Variants in SYNRG observed in about 807,000 individuals in gnomAD.
The protein encoded by SYNRG is AP1 gamma subunit binding protein 1.
SYNRG carries 37 observed loss-of-function variants against 130.9 expected under a neutral mutation model. That is an observed-to-expected ratio of 0.28 (90% CI 0.22 to 0.37). The LOEUF is 0.37. Ranked by LOEUF, SYNRG falls within the 10% of genes least tolerant of loss-of-function variation. SYNRG has a pLI of 1.00. For missense variants in SYNRG, 1,338 were observed against 1,588.9 expected, an observed-to-expected ratio of 0.84 and a Z score of 2.68; for synonymous variants, 539 against 568.1, an observed-to-expected ratio of 0.95 and a Z score of 0.73.
Position 37,583,746 on chromosome 17 carries a change from G to A in SYNRG, c.589+902C>T, listed in dbSNP as rs370130964. Among the ~76,000 whole-genome samples the A allele has an allele frequency of 1.2e-4, 18 of 152,258 alleles. No homozygotes were observed. The South Asian group carries it at 1.5e-3, about 12-fold the overall frequency. On this transcript the variant is annotated intron_variant, in intron 6 of 21. Transcript: ENST00000612223. ...CTTGCTCTGATGCCTAAGCTGGAGC[G>A]GGCAGTGGCATGATCTCGGCTCACT...
chr17:37,589,529 T>C (rs1328486607), intron 3 of SYNRG, among the ~76,000 whole-genome samples: 1 of 151,648 alleles, frequency 6.6e-6, no homozygotes, highest in Non-Finnish European at 1.5e-5. Context: ...GGTGGGCGGA[T>C]CACCAGGTCA....
rs79772863 is a variant in SYNRG, at chr17:37,602,513, C to T, written c.78-2110G>A. Among the ~76,000 whole-genome samples the T allele has an allele frequency of 2.7e-3, 418 of 152,188 alleles. 2 individuals are homozygous for T. Among genetic ancestry groups the T allele is most frequent in the African/African-American group, 9.7e-3 (403 of 41,516 alleles). ...GAGAGTTATAACTGAAGAAGGACCA[C>T]ATTTCAACAAGGAAGTAGTTACCAG... On this transcript the variant is annotated intron_variant, in intron 1 of 21. Transcript: ENST00000612223.
At chr17:37,576,076 TAA>T (rs2060811906) in intron 8 of SYNRG, among the ~76,000 whole-genome samples, 2 of 152,292 alleles carry the variant, frequency 1.3e-5, no homozygotes, top group South Asian at 2.1e-4. Context: ...ATAATAAATC[TAA>T]GAGAGCTTTT....
rs557504076 is a variant in SYNRG at position 37,601,352 on chromosome 17, A to G, written c.78-949T>C. ...CCAAAGTGCTGGGATTACAGGTGTG[A>G]GCCACCGCACCTGGTCAAGGGCCTT... On this transcript the variant is annotated intron_variant, in intron 1 of 21. Transcript: ENST00000612223. 8.9e-4 allele frequency among the ~76,000 whole-genome samples: 136 copies of G among 152,224 alleles called. 1 individual carries two copies. In the South Asian group the frequency reaches 0.017, roughly 19 times the overall value.
rs544087602 is a variant in SYNRG, at chr17:37,526,602, G to GA, written c.3667-5955_3667-5954insT. ...GAGAAGGACTGCATTCCTTCTAGGA[G>GA]TTCTAGGGGAAAATCTGTTTCCTTG... On this transcript the variant is annotated intron_variant, in intron 19 of 21. Coordinates refer to ENST00000612223, the MANE Select transcript of SYNRG (RefSeq NM_007247.6). Among the ~76,000 whole-genome samples, 14 of 152,294 alleles carry GA rather than the reference G, an allele frequency of 9.2e-5. No homozygotes were observed. In the East Asian group the frequency reaches 2.7e-3, roughly 29 times the overall value.
intron 2 of SYNRG, among the ~76,000 whole-genome samples, chr17:37,598,829 T>C (rs895394088): frequency 5.3e-5 from 8 of 152,224 alleles, no homozygotes; most frequent in African/African-American, 9.7e-5. Context: ...TGAAAGTGTA[T>C]AGAAATGCAA....
chr17:37,541,953 T>C lies in SYNRG; in HGVS notation c.3202+19A>G, dbSNP rs772602702. On this transcript the variant is annotated intron_variant, in intron 15 of 21. Coordinates refer to ENST00000612223, the MANE Select transcript of SYNRG (RefSeq NM_007247.6). ...GGAAAAAAACCACAATAGTAAAATC[T>C]ACCTTGGAAGCTACTCACCTTGAAC... 104 of 1,594,472 alleles carry C rather than the reference T, an allele frequency of 6.5e-5. No individual in the cohort carries two copies. The highest frequency in any genetic ancestry group is 7.8e-5 in the South Asian group (7 of 89,914).
At chr17:37,595,980 C>T (rs1029042138) in intron 3 of SYNRG, among the ~76,000 whole-genome samples, 1 of 152,186 alleles carries the variant, frequency 6.6e-6, no homozygotes, top group African/African-American at 2.4e-5. Flanking sequence ...GTCTCGAACT[C>T]CTGACCTCAA....
At chr17:37,554,197 T>A (rs1598305565) in intron 13 of SYNRG, 138 bp from the exon 14 acceptor site, 2 of 731,806 alleles carry the variant, frequency 2.7e-6, no homozygotes, top group East Asian at 2.9e-5. Context: ...TTACATACTT[T>A]AAACCCTATC....
chr17:37,542,937 C>A (rs1478826067), intron 14 of SYNRG, among the ~76,000 whole-genome samples: 1 of 152,148 alleles, frequency 6.6e-6, no homozygotes, highest in Non-Finnish European at 1.5e-5. Flanking sequence ...AAACATGTCT[C>A]CCTTCATCTT....
In SYNRG at chr17:37,530,457, C is replaced by T. The variant is rs116177913; in HGVS notation, c.3666+5522G>A. On this transcript the variant is annotated intron_variant, in intron 19 of 21. Transcript: ENST00000612223. ...TACCCCACAGCTTCACAGGCACCCT[C>T]GGCACATATCACTAGCGAATCAATT... Among the ~76,000 whole-genome samples the T allele has an allele frequency of 3.1e-3, 477 of 152,274 alleles. 4 individuals are homozygous for T. The highest frequency in any genetic ancestry group is 0.011 in the African/African-American group (450 of 41,544).
At chr17:37,598,764 A>T (rs2063004135) in intron 2 of SYNRG, among the ~76,000 whole-genome samples, 1 of 152,206 alleles carries the variant, frequency 6.6e-6, no homozygotes, top group South Asian at 2.1e-4. Context: ...ATATCAGGCA[A>T]CACTTTGGGG....
chr17:37,561,550 T>C lies in SYNRG; in HGVS notation c.1521A>G (p.Ala507=), dbSNP rs1340822113. ...SLLMPLPGTK[A]LPSMDKYAVF... is the part of the protein sequence containing the mutation. ...CAGCATATTTGTCCATTGAAGGCAA[T>C]GCTTTAGTTCCAGGAAGTGGCATCA... The change falls in exon 12 of 22, where the codon GCA becomes GCG. Residue 507 remains alanine, a synonymous_variant. Transcript: ENST00000612223. 3 of 1,613,636 alleles carry C rather than the reference T, an allele frequency of 1.9e-6. No homozygotes were observed. The highest frequency in any genetic ancestry group is 1.7e-6 in the Non-Finnish European group (2 of 1,179,664).
chr17:37,576,258 C>T, intron 8 of SYNRG, 83 bp downstream of exon 8: 1 of 1,367,416 alleles, frequency 7.3e-7, no homozygotes. Flanking sequence ...TTTGTAAGTG[C>T]AACAGTAAAT....
intron 6 of SYNRG, among the ~76,000 whole-genome samples, chr17:37,580,357 T>C (rs1156507744): frequency 1.3e-5 from 2 of 151,530 alleles, no homozygotes; most frequent in Non-Finnish European, 2.9e-5. Context: ...TGCAATGGCA[T>C]GAGCTCAGCT....
intron 3 of SYNRG, among the ~76,000 whole-genome samples, chr17:37,592,430 T>C (rs771619144): frequency 2.0e-5 from 3 of 152,156 alleles, no homozygotes; most frequent in Admixed American, 2.0e-4. Flanking sequence ...AACCCAGTAA[T>C]TGCACTCTTG....
In SYNRG at chr17:37,570,568, C is replaced by T. The variant is rs992813581; in HGVS notation, c.1347+69G>A. 179 of 1,533,974 alleles carry T rather than the reference C, an allele frequency of 1.2e-4. 3 individuals are homozygous for T. The South Asian group carries it at 1.8e-3, about 16-fold the overall frequency. Reference sequence around the variant, plus strand: ...TAATCCAGTAACCTACTCTATGTATCCCCGGAAAAAATGGTGCCCAGATTC... The same window carrying T: ...TAATCCAGTAACCTACTCTATGTATTCCCGGAAAAAATGGTGCCCAGATTC... On this transcript the variant is annotated intron_variant, in intron 10 of 21. Coordinates refer to ENST00000612223, the MANE Select transcript of SYNRG (RefSeq NM_007247.6).
chr17:37,572,797 G>C (rs1009604399), intron 8 of SYNRG, among the ~76,000 whole-genome samples: 1 of 152,178 alleles, frequency 6.6e-6, no homozygotes, highest in African/African-American at 2.4e-5. Flanking sequence ...CTTAAAAAGG[G>C]GGGTACAGTT....
At chr17:37,564,742 C>T (rs946531087) in intron 11 of SYNRG, among the ~76,000 whole-genome samples, 5 of 152,144 alleles carry the variant, frequency 3.3e-5, no homozygotes, top group African/African-American at 1.2e-4. Flanking sequence ...TACAGATTAT[C>T]ATAAACTAGG....
Sources: gnomAD v4.1 joint callset for allele counts (sites outside exome capture counted in the v4.1 genomes callset) on GRCh38, gnomAD v4.1.1 for gene constraint, MANE v1.5 for transcripts, NCBI Gene and HGNC (gene_info 2026-07-23, HGNC 2026-07-21) for gene names.